LRRTM1: variants seen among roughly 807,000 people sequenced by gnomAD.
LRRTM1 encodes the protein leucine-rich repeat transmembrane neuronal protein 1.
A neutral mutation model predicts 37.3 loss-of-function variants in LRRTM1; 8 were observed. That is an observed-to-expected ratio of 0.21 (90% CI 0.13 to 0.39). LRRTM1 has a LOEUF of 0.39. Among genes scored for constraint, LRRTM1 ranks in the 10% least tolerant of loss-of-function variants. LRRTM1 has a pLI of 1.00. For synonymous variants in LRRTM1, 326 were observed against 316.8 expected (o/e 1.03, Z -0.31); for missense variants, 557 against 691.0 (o/e 0.81, Z 2.17).
intron 2 of LRRTM1, among the ~76,000 whole-genome samples, chr2:80,293,138 C>T (rs183733963): frequency 5.1e-4 from 78 of 152,296 alleles, no homozygotes; most frequent in Non-Finnish European, 1.5e-5. Context: ...GGCAAAATAA[C>T]AGAGTGAGTG....
Position 80,303,681 on chromosome 2 carries a change from C to T in LRRTM1, c.139G>A (p.Gly47Arg). The change falls in exon 2 of 2, where the codon GGG becomes AGG. Residue 47 changes from glycine to arginine, a missense_variant. Gly to Arg is a moderately radical substitution (Grantham distance 125). Transcript: ENST00000295057. This position sits in a 1 kb window ranked among gnomAD's most constrained non-coding sequence, Gnocchi z 7.7. ...SGCPQLCRCE[G>R]RLLYCEALNL... ...AGCGCCTCGCAGTACAGCAGCCGCC[C>T]CTCGCACCGGCACAGCTGCGGGCAC... 6.2e-7 allele frequency: 1 copy of T among 1,611,196 alleles called. No homozygotes were observed. The highest frequency in any genetic ancestry group is 8.5e-7 in the Non-Finnish European group (1 of 1,178,330).
At chr2:80,304,004 A>C (rs1352423555) in intron 1 of LRRTM1, 126 bp from the exon 2 acceptor site, 1 of 595,732 alleles carries the variant, frequency 1.7e-6, no homozygotes, top group African/African-American at 1.9e-5. Flanking sequence ...ACCTCTAAGC[A>C]TGCAGAAAGC....
chr2:80,291,834 G>A (rs977348496), intron 2 of LRRTM1, among the ~76,000 whole-genome samples: 4 of 152,162 alleles, frequency 2.6e-5, no homozygotes, highest in South Asian at 2.1e-4. Context: ...ACATGGCCAC[G>A]TGTATTCCAG....
rs77760144 is a variant in LRRTM1 at position 80,295,123 on chromosome 2, C to T, written c.*307-5928G>A. On this transcript the variant is annotated intron_variant and NMD_transcript_variant, in intron 2 of 2. Coordinates refer to the LRRTM1 transcript ENST00000417012. ...TCTCAATCTCTCTTTCTCTCTCTTT[C>T]CCTCCCATCCCATACCCCATTTTAC... is the stretch of plus-strand genomic sequence containing the variant. Among the ~76,000 whole-genome samples the T allele has an allele frequency of 2.4e-4, 36 of 151,976 alleles. No individual in the cohort carries two copies. In the East Asian group the frequency reaches 6.6e-3, roughly 28 times the overall value.
At chr2:80,293,239 G>A (rs570535984) in intron 2 of LRRTM1, among the ~76,000 whole-genome samples, 2 of 152,282 alleles carry the variant, frequency 1.3e-5, no homozygotes, top group East Asian at 3.9e-4. Flanking sequence ...GTGTAACTTG[G>A]CTTTTCCAGA....
chr2:80,299,175 G>C (rs1676026617), downstream of LRRTM1: 1 of 151,818 alleles, frequency 6.6e-6, no homozygotes, highest in South Asian at 2.1e-4. Flanking sequence ...CACCCTCTGT[G>C]GGAAGAATAA....
intron 2 of LRRTM1, among the ~76,000 whole-genome samples, chr2:80,295,691 T>C (rs1254006624): frequency 6.6e-6 from 1 of 152,138 alleles, no homozygotes; most frequent in Non-Finnish European, 1.5e-5. Flanking sequence ...CCAATTGCAG[T>C]AAGATGATTA....
At chr2:80,292,862 G>T (rs1473188875) in intron 2 of LRRTM1, among the ~76,000 whole-genome samples, 1 of 152,176 alleles carries the variant, frequency 6.6e-6, no homozygotes, top group African/African-American at 2.4e-5. Context: ...TGGCATTTCA[G>T]TTATAATGTG....
At chr2:80,290,922 C>G (rs1270237382) in intron 2 of LRRTM1, among the ~76,000 whole-genome samples, 1 of 152,148 alleles carries the variant, frequency 6.6e-6, no homozygotes, top group Non-Finnish European at 1.5e-5. Flanking sequence ...TGACGATGTC[C>G]TCAATTTCCC....
At chr2:80,294,412 C>A (rs376940470) in intron 2 of LRRTM1, among the ~76,000 whole-genome samples, 3 of 152,022 alleles carry the variant, frequency 2.0e-5, no homozygotes, top group Admixed American at 2.0e-4. Flanking sequence ...AGGTGACTCC[C>A]TTCTCCCTGC....
chr2:80,288,562 T>C (rs1674971175), exon 3 of LRRTM1: 1 of 152,122 alleles, frequency 6.6e-6, no homozygotes, highest in African/African-American at 2.4e-5. Context: ...AAAATAAAAT[T>C]CCTAAAAACC....
Position 80,304,409 on chromosome 2 carries a change from T to C in LRRTM1, c.-317A>G, listed in dbSNP as rs1410869692. 1 of 152,662 alleles carries C rather than the reference T, an allele frequency of 6.6e-6. No individual in the cohort carries two copies. Among genetic ancestry groups the C allele is most frequent in the Non-Finnish European group, 1.5e-5 (1 of 68,064 alleles). The allele number at this position is 152,662 out of a possible 1,614,324, so 9.5% of individuals were successfully genotyped here. A position where few individuals can be genotyped will look rare whatever the true frequency, so the allele number is the denominator to read the frequency against. ...GCCCGAGCTTCGCCTTCCTGCCGCC[T>C]TCCTTTCCCTCTGCAGTTCGGACTG... On this transcript the variant is annotated 5_prime_UTR_variant, in exon 1 of 2. Coordinates refer to ENST00000295057, the MANE Select transcript of LRRTM1 (RefSeq NM_178839.5).
intron 2 of LRRTM1, among the ~76,000 whole-genome samples, chr2:80,296,792 A>G (rs1435528437): frequency 1.3e-5 from 2 of 152,118 alleles, no homozygotes; most frequent in African/African-American, 4.8e-5. Flanking sequence ...GTATCCAGAC[A>G]TCTACCTACT....
In LRRTM1 at chr2:80,303,106, G is replaced by C. The variant is rs1676521637; in HGVS notation, c.714C>G (p.Leu238=). 6.2e-7 allele frequency: 1 copy of C among 1,614,152 alleles called. No homozygotes were observed. The highest frequency in any genetic ancestry group is 1.3e-5 in the African/African-American group (1 of 75,012). The change falls in exon 2 of 2, where the codon CTC becomes CTG. Residue 238 remains leucine, a synonymous_variant. Transcript: ENST00000295057. The surrounding 1 kb of genome is among the most constrained non-coding windows in gnomAD (Gnocchi z 7.7). ...TGGCCACCTTGTTCCTCCGCAGGCA[G>C]AGCGAGTGCAGGGAGATGAGGCGCG... ...HFPRLISLHS[L]CLRRNKVAIV... is the part of the protein sequence containing the mutation.
downstream of LRRTM1, among the ~76,000 whole-genome samples, chr2:80,297,927 A>G (rs987378765): frequency 4.6e-5 from 7 of 152,112 alleles, no homozygotes; most frequent in Non-Finnish European, 7.3e-5. Flanking sequence ...TAGGATGATT[A>G]GTGCTAGAAG....
intron 2 of LRRTM1, among the ~76,000 whole-genome samples, chr2:80,291,923 G>A (rs1273621931): frequency 6.6e-6 from 1 of 152,222 alleles, no homozygotes; most frequent in Non-Finnish European, 1.5e-5. Flanking sequence ...AGTGAGTGGT[G>A]TATGGGCTAA....
chr2:80,302,330 A>G lies in LRRTM1; in HGVS notation c.1490T>C (p.Ile497Thr), dbSNP rs1021076134. The G allele has an allele frequency of 6.2e-6, 10 of 1,614,084 alleles. No individual in the cohort carries two copies. The highest frequency in any genetic ancestry group is 4.0e-5 in the African/African-American group (3 of 74,926). The stretch of plus-strand genomic sequence containing the variant: ...GTTGATGATCACCAGGGCTCCCTCA[A>G]TGTGGTTCGGTTTGTAATCAACGTA... ...EYYVDYKPNH[I>T]EGALVIINEY... The change falls in exon 2 of 2, where the codon ATT (isoleucine) becomes ACT (threonine). Residue 497 changes from isoleucine to threonine, a missense_variant. By Grantham distance (89) the Ile-to-Thr change is moderately conservative. Transcript: ENST00000295057. The surrounding 1 kb of genome is among the most constrained non-coding windows in gnomAD (Gnocchi z 6.4).
intron 2 of LRRTM1, among the ~76,000 whole-genome samples, chr2:80,294,894 A>G (rs1039277558): frequency 6.6e-6 from 1 of 152,150 alleles, no homozygotes. Context: ...GAACAGACAA[A>G]TAGCTAACCT....
intron 2 of LRRTM1, among the ~76,000 whole-genome samples, chr2:80,296,470 CCATATGTTCTTTGAGAAG>C (rs1349484980): frequency 6.6e-6 from 1 of 152,054 alleles, no homozygotes; most frequent in African/African-American, 2.4e-5. Context: ...TTAAGTTTTG[CCATATGTTCTTTGAGAAG>C]CATGTGTTAA....
Sources: allele counts gnomAD v4.1 joint callset (sites outside exome capture counted in the v4.1 genomes callset), GRCh38; gene constraint gnomAD v4.1.1; non-coding constraint Gnocchi (gnomAD v3.1); transcripts MANE v1.5; gene names NCBI Gene and HGNC (gene_info 2026-07-23, HGNC 2026-07-21).